The following CHODL variants were observed in gnomAD, a reference collection of about 807,000 sequenced individuals.
CHODL encodes the protein chondrolectin, also known as transmembrane protein MT75.
Under a neutral mutation model 34.5 loss-of-function variants are expected in CHODL, and 29 were observed. That is an observed-to-expected ratio of 0.84 (90% CI 0.63 to 1.15). The LOEUF (loss-of-function observed/expected upper bound fraction) is 1.15. Ranked by LOEUF, CHODL falls within the 50% of genes most tolerant of loss-of-function variation. The pLI is 0.00. For missense variants in CHODL, 332 were observed against 332.5 expected (o/e 1.00, Z 0.01); for synonymous variants, 125 against 116.1 (o/e 1.08, Z -0.49).
At chr21:18,066,199 GA>G (rs2064729522) in intron 2 of CHODL, among the ~76,000 whole-genome samples, 1 of 152,064 alleles carries the variant, frequency 6.6e-6, no homozygotes. Context: ...TGAAAGCTAG[GA>G]AATTATGTAC....
intron 2 of CHODL, among the ~76,000 whole-genome samples, chr21:18,222,816 G>C (rs553172794): frequency 3.3e-5 from 5 of 152,258 alleles, no homozygotes; most frequent in African/African-American, 1.2e-4. Flanking sequence ...CAAGTCTGCT[G>C]TGTGTCTCAA....
intron 2 of CHODL, among the ~76,000 whole-genome samples, chr21:18,206,137 T>G (rs2073709138): frequency 6.6e-6 from 1 of 152,206 alleles, no homozygotes; most frequent in Non-Finnish European, 1.5e-5. Context: ...TCCGTAAATA[T>G]CTGATTGGTC....
At chr21:18,112,488 G>A (rs1407210012) in intron 2 of CHODL, among the ~76,000 whole-genome samples, 3 of 151,998 alleles carry the variant, frequency 2.0e-5, no homozygotes, top group African/African-American at 4.8e-5. Context: ...CAAAATTGGA[G>A]GAATCACATT....
rs2065365924 is a variant in CHODL at position 18,112,691 on chromosome 21, C to CTG, written c.-45+84721_-45+84722dup. Among the ~76,000 whole-genome samples, 3 of 152,092 alleles carry CTG rather than the reference C, an allele frequency of 2.0e-5. No individual in the cohort carries two copies. In the South Asian group the frequency reaches 6.2e-4, roughly 31 times the overall value. Reference sequence around the variant, plus strand: ...AAAACACTGTCTTTGATAAATGGTGCTGGGAAAACTGGATATCCATAGGCA... The same window carrying CTG: ...AAAACACTGTCTTTGATAAATGGTGCTGTGGGAAAACTGGATATCCATAGGCA... On this transcript the variant is annotated intron_variant, in intron 2 of 6. Transcript: ENST00000400127.
chr21:17,927,148 ATG>A lies in CHODL; in HGVS notation c.-145+9750_-145+9751del, dbSNP rs1277035117. Among the ~76,000 whole-genome samples the A allele has an allele frequency of 9.5e-4, 59 of 62,328 alleles. 1 individual carries two copies. Among genetic ancestry groups the A allele is most frequent in the African/African-American group, 2.5e-3 (56 of 22,076 alleles). The allele number at this position is 62,328 out of a possible 152,430, so 40.9% of individuals were successfully genotyped here. On this transcript the variant is annotated intron_variant, in intron 1 of 6. Transcript: ENST00000400127. ...TGTATATATATGTATATATGTATAT[ATG>A]TATATATATGTATATATGTATATAT...
In CHODL at chr21:18,256,479, A is replaced by G. The variant is rs768801758; in HGVS notation, c.80-30A>G. ...TGTTACAAATAGAGTTCCGATTATC[A>G]ATATATGGGCATCTTTTTTTTTTTT... On this transcript the variant is annotated intron_variant, in intron 1 of 5. Coordinates refer to ENST00000299295, the MANE Select transcript of CHODL (RefSeq NM_024944.3). 16 of 1,549,300 alleles carry G rather than the reference A, an allele frequency of 1.0e-5. No homozygotes were observed. In the East Asian group the frequency reaches 3.4e-4, roughly 33 times the overall value.
chr21:17,959,862 G>A (rs1375772238), intron 1 of CHODL, among the ~76,000 whole-genome samples: 2 of 152,094 alleles, frequency 1.3e-5, no homozygotes. Context: ...TACACTCAGT[G>A]TAATTATATT....
chr21:18,147,495 A>G (rs2072908289), intron 2 of CHODL, among the ~76,000 whole-genome samples: 1 of 152,226 alleles, frequency 6.6e-6, no homozygotes, highest in Non-Finnish European at 1.5e-5. Context: ...AGAGAAAGCA[A>G]TTCTTTTCAT....
intron 1 of CHODL, among the ~76,000 whole-genome samples, chr21:18,014,088 A>G (rs75274861): frequency 0.033 from 5,086 of 152,226 alleles, 302 homozygotes; most frequent in African/African-American, 0.12. Context: ...TCAAGCTGGT[A>G]GGTTACTCCC....
chr21:18,106,261 T>C (rs1270403072), intron 2 of CHODL, among the ~76,000 whole-genome samples: 2 of 152,118 alleles, frequency 1.3e-5, no homozygotes, highest in Non-Finnish European at 2.9e-5. Flanking sequence ...ACCTAAGTCA[T>C]TTCCAACACC....
At chr21:18,016,452 C>A (rs1035477093) in intron 1 of CHODL, among the ~76,000 whole-genome samples, 1 of 152,180 alleles carries the variant, frequency 6.6e-6, no homozygotes, top group Non-Finnish European at 1.5e-5. Flanking sequence ...GCCTTGATGT[C>A]CAGGCAGAAG....
At chr21:18,209,803 G>GT (rs2073753778) in intron 2 of CHODL, among the ~76,000 whole-genome samples, 1 of 152,148 alleles carries the variant, frequency 6.6e-6, no homozygotes, top group Non-Finnish European at 1.5e-5. Context: ...GGCCCAGTGT[G>GT]TGTCTAGAAA....
At chr21:18,069,364 C>T (rs1309889739) in intron 2 of CHODL, among the ~76,000 whole-genome samples, 1 of 151,988 alleles carries the variant, frequency 6.6e-6, no homozygotes, top group Admixed American at 6.6e-5. Flanking sequence ...CATTTTATTG[C>T]TGTTTTTGCC....
chr21:18,149,759 G>A (rs2072941355), intron 2 of CHODL, among the ~76,000 whole-genome samples: 1 of 152,216 alleles, frequency 6.6e-6, no homozygotes, highest in Admixed American at 6.5e-5. Flanking sequence ...CCTTTGATAG[G>A]ACACTGGCTA....
At chr21:18,127,043 T>C (rs1343023749) in intron 2 of CHODL, among the ~76,000 whole-genome samples, 1 of 152,174 alleles carries the variant, frequency 6.6e-6, no homozygotes, top group African/African-American at 2.4e-5. Flanking sequence ...GCGTCAGTCA[T>C]CAAGTGACTG....
intron 2 of CHODL, among the ~76,000 whole-genome samples, chr21:18,028,132 G>A (rs1324572361): frequency 1.3e-5 from 2 of 151,944 alleles, no homozygotes. Context: ...TCTCTTTGTT[G>A]GGAATTTTTT....
Position 18,104,338 on chromosome 21 carries a change from C to A in CHODL, c.-45+76367C>A, listed in dbSNP as rs189285788. On this transcript the variant is annotated intron_variant, in intron 2 of 6. Coordinates refer to the CHODL transcript ENST00000400127. ...GAAAATCTGATGGTTTTATAAGGGG[C>A]CCTTCCCCCTTCGCTTGGCATTTCT... Among the ~76,000 whole-genome samples the A allele has an allele frequency of 1.3e-3, 191 of 152,210 alleles. 1 individual carries two copies. Among genetic ancestry groups the A allele is most frequent in the African/African-American group, 4.5e-3 (185 of 41,524 alleles).
chr21:18,108,427 G>T (rs2065302346), intron 2 of CHODL, among the ~76,000 whole-genome samples: 1 of 152,104 alleles, frequency 6.6e-6, no homozygotes, highest in Non-Finnish European at 1.5e-5. Flanking sequence ...TTCCATCAGG[G>T]AATACAGCAA....
chr21:17,960,622 G>C (rs2063525077), intron 1 of CHODL, among the ~76,000 whole-genome samples: 1 of 152,182 alleles, frequency 6.6e-6, no homozygotes, highest in African/African-American at 2.4e-5. Context: ...TCCTTCACCA[G>C]ATTCTCTTAT....
Sources: allele counts gnomAD v4.1 joint callset (sites outside exome capture counted in the v4.1 genomes callset), GRCh38; gene constraint gnomAD v4.1.1; transcripts MANE v1.5; gene names NCBI Gene and HGNC (gene_info 2026-07-23, HGNC 2026-07-21).